Variants in SORCS1 observed in about 807,000 individuals in gnomAD.
SORCS1 encodes sortilin related VPS10 domain containing receptor 1, also known as VPS10 domain-containing receptor SorCS1.
In SORCS1, 60 loss-of-function variants were observed where a neutral mutation model predicts 146.1. That is an observed-to-expected ratio of 0.41 (90% CI 0.33 to 0.51). The LOEUF (loss-of-function observed/expected upper bound fraction) is 0.51. SORCS1 is among the 20% of genes least tolerant of loss of function. The pLI is 0.21. For missense variants in SORCS1, 1,352 were observed against 1,487.6 expected, an observed-to-expected ratio of 0.91 and a Z score of 1.50; for synonymous variants, 637 against 584.0, an observed-to-expected ratio of 1.09 and a Z score of -1.31.
At chr10:106,986,146 TCTATCTTAAATGA>T (rs1956459752) in intron 1 of SORCS1, among the ~76,000 whole-genome samples, 1 of 152,074 alleles carries the variant, frequency 6.6e-6, no homozygotes, top group Admixed American at 6.6e-5. Context: ...TTCCTGTATA[TCTATCTTAAATGA>T]GTTAAGTTTT....
At chr10:106,811,847 T>C (rs944926269) in intron 3 of SORCS1, among the ~76,000 whole-genome samples, 4 of 152,216 alleles carry the variant, frequency 2.6e-5, no homozygotes, top group African/African-American at 9.7e-5. Context: ...AATGTGAATG[T>C]TAACCAAAAA....
At position 107,111,250 on chromosome 10, in the gene SORCS1, T is replaced by C. The variant is rs368005973; in HGVS notation, c.558+52719A>G. 1.8e-3 allele frequency among the ~76,000 whole-genome samples: 269 copies of C among 152,176 alleles called. 2 individuals are homozygous for C. The highest frequency in any genetic ancestry group is 6.2e-3 in the African/African-American group (256 of 41,522). ...AGAAATGGAGATCTACAAATTTCCT[T>C]AAAAAAGAATAAAAAATAATCATCT... is the stretch of plus-strand genomic sequence containing the variant. On this transcript the variant is annotated intron_variant, in intron 1 of 25. Coordinates refer to ENST00000263054, the MANE Select transcript of SORCS1 (RefSeq NM_052918.5).
At chr10:106,725,250 A>G (rs568270046) in intron 6 of SORCS1, among the ~76,000 whole-genome samples, 2 of 152,164 alleles carry the variant, frequency 1.3e-5, no homozygotes, top group Non-Finnish European at 2.9e-5. Flanking sequence ...TTCCATATAC[A>G]TAAACAATAA....
At chr10:106,713,700 T>C (rs959797896) in intron 6 of SORCS1, among the ~76,000 whole-genome samples, 1 of 152,218 alleles carries the variant, frequency 6.6e-6, no homozygotes, top group Non-Finnish European at 1.5e-5. Context: ...AATAGTGATG[T>C]GTAGAAACGG....
intron 17 of SORCS1, among the ~76,000 whole-genome samples, chr10:106,656,013 G>A (rs1309970778): frequency 6.6e-6 from 1 of 152,288 alleles, no homozygotes; most frequent in East Asian, 1.9e-4. Flanking sequence ...TCTTCAATCT[G>A]CCAAGAAGAA....
intron 1 of SORCS1, among the ~76,000 whole-genome samples, chr10:107,002,880 G>A (rs981960734): frequency 6.6e-6 from 1 of 152,190 alleles, no homozygotes; most frequent in Admixed American, 6.5e-5. Flanking sequence ...GGTGGGAGTT[G>A]TTACTGAGAT....
chr10:106,933,034 C>T (rs1327420319), intron 2 of SORCS1, among the ~76,000 whole-genome samples: 2 of 152,260 alleles, frequency 1.3e-5, no homozygotes, highest in Middle Eastern at 3.4e-3. Flanking sequence ...CTGGACAGCA[C>T]GATCGTGTTC....
At chr10:107,061,273 T>C (rs373117573) in intron 1 of SORCS1, among the ~76,000 whole-genome samples, 1 of 152,022 alleles carries the variant, frequency 6.6e-6, no homozygotes, top group African/African-American at 2.4e-5. Context: ...ACTTACAACA[T>C]GAAAGGTAAA....
intron 6 of SORCS1, among the ~76,000 whole-genome samples, chr10:106,723,165 G>A (rs901093671): frequency 1.2e-4 from 19 of 152,176 alleles, no homozygotes; most frequent in African/African-American, 3.6e-4. Context: ...TACTAAAAAC[G>A]TAAAATAAAA....
chr10:106,623,941 C>A (rs897876352), intron 19 of SORCS1, among the ~76,000 whole-genome samples: 1 of 151,976 alleles, frequency 6.6e-6, no homozygotes, highest in Non-Finnish European at 1.5e-5. Context: ...ACCTCGGCCC[C>A]CCCAAAGTGC....
At chr10:106,909,384 CAGAGAGAG>C (rs3045086) in intron 2 of SORCS1, among the ~76,000 whole-genome samples, 7 of 149,806 alleles carry the variant, frequency 4.7e-5, no homozygotes, top group East Asian at 2.0e-4. Context: ...ATACAAATGA[CAGAGAGAG>C]AGAGAGAGAG....
intron 1 of SORCS1, among the ~76,000 whole-genome samples, chr10:107,048,768 GAAAA>G (rs1959779967): frequency 6.6e-6 from 1 of 152,062 alleles, no homozygotes; most frequent in Admixed American, 6.6e-5. Context: ...CAGCCCAAAG[GAAAA>G]ACCATAGAAG....
intron 1 of SORCS1, among the ~76,000 whole-genome samples, chr10:107,062,387 T>C (rs1293587839): frequency 6.6e-6 from 1 of 152,006 alleles, no homozygotes; most frequent in Middle Eastern, 3.2e-3. Flanking sequence ...ATGAAATTAG[T>C]TTGGGTGGTG....
chr10:106,896,894 T>TG (rs1393947603), intron 2 of SORCS1, among the ~76,000 whole-genome samples: 3 of 147,740 alleles, frequency 2.0e-5, no homozygotes, highest in Non-Finnish European at 4.5e-5. Flanking sequence ...ATACTGTTTT[T>TG]TTTTTTTTTT....
intron 2 of SORCS1, among the ~76,000 whole-genome samples, chr10:106,836,648 C>T (rs1429119704): frequency 1.3e-5 from 2 of 151,816 alleles, no homozygotes; most frequent in Admixed American, 1.3e-4. Flanking sequence ...TTAACTAAAA[C>T]TCTTTGAGGT....
intron 19 of SORCS1, among the ~76,000 whole-genome samples, chr10:106,625,201 T>C (rs990732603): frequency 7.6e-5 from 1 of 13,154 alleles, no homozygotes; most frequent in Non-Finnish European, 1.3e-4. Context: ...TGTGTGATTC[T>C]GTGTGTGTGT....
chr10:107,079,297 T>A (rs1005146714), intron 1 of SORCS1, among the ~76,000 whole-genome samples: 1 of 151,898 alleles, frequency 6.6e-6, no homozygotes, highest in Non-Finnish European at 1.5e-5. Flanking sequence ...TCACTAAATA[T>A]AGGATTTTTA....
chr10:106,690,356 C>G (rs537527759), intron 9 of SORCS1, among the ~76,000 whole-genome samples: 9 of 152,344 alleles, frequency 5.9e-5, no homozygotes, highest in Non-Finnish European at 1.3e-4. Context: ...ATGTCTTAGC[C>G]ATTCAACACT....
rs538545184 is a variant in SORCS1, at chr10:106,672,888, G to A, written c.2038C>T (p.Pro680Ser). 3.7e-6 allele frequency: 6 copies of A among 1,613,992 alleles called. No individual in the cohort carries two copies. In the African/African-American group the frequency reaches 4.0e-5, roughly 11 times the overall value. The change falls in exon 15 of 26, where the codon CCT (proline) becomes TCT (serine). Residue 680 changes from proline to serine, a missense_variant. Pro to Ser is a moderately conservative substitution (Grantham distance 74). Coordinates refer to ENST00000263054, the MANE Select transcript of SORCS1 (RefSeq NM_052918.5). The part of the protein sequence containing the change: ...DRRCAEEDYR[P>S]WQLHSQGEAC... ...CCTACCTGGCTGTGCAGCTGCCAAG[G>A]TCTGTAGTCCTCTTCGGCACACCGT...
Sources: allele counts gnomAD v4.1 joint callset (sites outside exome capture counted in the v4.1 genomes callset), GRCh38; gene constraint gnomAD v4.1.1; transcripts MANE v1.5; gene names NCBI Gene and HGNC (gene_info 2026-07-23, HGNC 2026-07-21).